The following TULP4 variants were observed in gnomAD, a reference collection of about 807,000 sequenced individuals.
TULP4 encodes the protein TUB like protein 4, also known as tubby-related protein 4.
In TULP4, 16 loss-of-function variants were observed where a neutral mutation model predicts 129.0. The ratio of observed to expected loss-of-function variants is 0.12; its 90% confidence interval spans 0.08 to 0.19. TULP4 has a LOEUF of 0.19. Among genes scored for constraint, TULP4 ranks in the 10% least tolerant of loss-of-function variants. TULP4 has a pLI of 1.00. For missense variants in TULP4, 1,842 were observed against 2,059.1 expected, an observed-to-expected ratio of 0.89 and a Z score of 2.04; for synonymous variants, 998 against 854.0, an observed-to-expected ratio of 1.17 and a Z score of -2.94.
At position 158,312,856 on chromosome 6, in the gene TULP4, A is replaced by G. The variant is rs2128482665; in HGVS notation, c.-1161A>G. ...GGAAAGCACCCATCAGCAAAACACT[A>G]TCACTCTCTAGGGAGACAGCTGGGG... On this transcript the variant is annotated 5_prime_UTR_variant, in exon 1 of 14. Coordinates refer to ENST00000367097, the MANE Select transcript of TULP4 (RefSeq NM_020245.5). 1 of 152,330 alleles carries G rather than the reference A, an allele frequency of 6.6e-6. No individual in the cohort carries two copies. Among genetic ancestry groups the G allele is most frequent in the East Asian group, 1.9e-4 (1 of 5,190 alleles). The allele number at this position is 152,330 out of a possible 1,614,324, so 9.4% of individuals were successfully genotyped here. A position where few individuals can be genotyped will look rare whatever the true frequency, so the allele number is the denominator to read the frequency against.
At chr6:158,419,601 C>T (rs1411872179) in intron 2 of TULP4, among the ~76,000 whole-genome samples, 1 of 152,048 alleles carries the variant, frequency 6.6e-6, no homozygotes, top group Non-Finnish European at 1.5e-5. Flanking sequence ...ACACCTCAAA[C>T]TTAAGGACAT....
chr6:158,437,503 G>A (rs973167462), intron 3 of TULP4, among the ~76,000 whole-genome samples: 2 of 152,116 alleles, frequency 1.3e-5, no homozygotes, highest in African/African-American at 2.4e-5. Flanking sequence ...CGAGGCTGCA[G>A]TGAGCTGTGA....
At chr6:158,422,224 G>A (rs1778361019) in intron 2 of TULP4, among the ~76,000 whole-genome samples, 1 of 152,118 alleles carries the variant, frequency 6.6e-6, no homozygotes, top group Non-Finnish European at 1.5e-5. Context: ...ATAGACAGAT[G>A]TCTTGCAAAA....
intron 2 of TULP4, among the ~76,000 whole-genome samples, chr6:158,422,527 C>T (rs1006963348): frequency 6.6e-6 from 1 of 152,076 alleles, no homozygotes; most frequent in Non-Finnish European, 1.5e-5. Flanking sequence ...AATTCTCAGG[C>T]CAGTTTAGAC....
At chr6:158,284,445 C>T (rs920462866) in intron 1 of TULP4, among the ~76,000 whole-genome samples, 1 of 152,194 alleles carries the variant, frequency 6.6e-6, no homozygotes, top group South Asian at 2.1e-4. Context: ...ACCCTCTACC[C>T]GCTGCTGAAG....
chr6:158,285,003 TCTC>T (rs1188903055), intron 1 of TULP4, among the ~76,000 whole-genome samples: 6 of 152,186 alleles, frequency 3.9e-5, no homozygotes, highest in African/African-American at 1.4e-4. Flanking sequence ...AGGACCCAGT[TCTC>T]CTGCTTTTCG....
chr6:158,463,359 T>C (rs1303831750), intron 6 of TULP4, among the ~76,000 whole-genome samples: 1 of 152,012 alleles, frequency 6.6e-6, no homozygotes, highest in East Asian at 1.9e-4. Flanking sequence ...CACCTTATGT[T>C]TGAGTCAGTT....
At chr6:158,353,516 G>A (rs570719515) in intron 1 of TULP4, among the ~76,000 whole-genome samples, 1 of 151,906 alleles carries the variant, frequency 6.6e-6, no homozygotes, top group Non-Finnish European at 1.5e-5. Context: ...TATTTATTAC[G>A]GTACTCTTTG....
chr6:158,304,181 G>A (rs977675381), intron 1 of TULP4, among the ~76,000 whole-genome samples: 1 of 152,100 alleles, frequency 6.6e-6, no homozygotes, highest in Admixed American at 6.5e-5. Flanking sequence ...ACACCATCCT[G>A]TCCCTAGGTT....
intron 1 of TULP4, among the ~76,000 whole-genome samples, chr6:158,283,420 C>A (rs1778790915): frequency 6.6e-6 from 1 of 152,154 alleles, no homozygotes; most frequent in Non-Finnish European, 1.5e-5. Context: ...TAACAAAATT[C>A]TTGTGTAAAA....
At chr6:158,351,761 C>T (rs527850024) in intron 1 of TULP4, among the ~76,000 whole-genome samples, 146 of 129,586 alleles carry the variant, frequency 1.1e-3, no homozygotes, top group African/African-American at 4.1e-3. Flanking sequence ...CTCTGTTGCC[C>T]AGGTTGGAGT....
In TULP4 at chr6:158,314,973, G is replaced by A. The variant is rs75532386; in HGVS notation, c.252+705G>A. Among the ~76,000 whole-genome samples the A allele has an allele frequency of 2.6e-5, 4 of 152,338 alleles. No individual in the cohort carries two copies. In the East Asian group the frequency reaches 7.7e-4, roughly 29 times the overall value. On this transcript the variant is annotated intron_variant, in intron 1 of 13. Coordinates refer to ENST00000367097, the MANE Select transcript of TULP4 (RefSeq NM_020245.5). ...GTTAGGCATTGTGTTTTAAAGAAGAGCGTGATTGGTAATTTCTTGCAAAGT... is the reference window on the plus strand; with the variant it reads ...GTTAGGCATTGTGTTTTAAAGAAGAACGTGATTGGTAATTTCTTGCAAAGT...
intron 1 of TULP4, among the ~76,000 whole-genome samples, chr6:158,399,000 A>G (rs1777784057): frequency 6.6e-6 from 1 of 152,202 alleles, no homozygotes; most frequent in African/African-American, 2.4e-5. Context: ...GTGTGGATAC[A>G]GGTGTATGCA....
chr6:158,327,796 A>G (rs1293862139), intron 1 of TULP4, among the ~76,000 whole-genome samples: 2 of 151,736 alleles, frequency 1.3e-5, no homozygotes, highest in Non-Finnish European at 2.9e-5. Context: ...TTTATAATTG[A>G]GGTCTTCTTT....
At chr6:158,288,878 T>C (rs1053660311) in intron 1 of TULP4, among the ~76,000 whole-genome samples, 1 of 152,242 alleles carries the variant, frequency 6.6e-6, no homozygotes, top group African/African-American at 2.4e-5. Flanking sequence ...TTTAGTATGA[T>C]GAATTATATC....
At chr6:158,455,263 A>AC (rs1293347263) in intron 5 of TULP4, among the ~76,000 whole-genome samples, 3 of 61,800 alleles carry the variant, frequency 4.9e-5, no homozygotes, top group Admixed American at 4.0e-4. Flanking sequence ...TTTAGTAGAG[A>AC]CGGGGTTTCA....
At chr6:158,310,536 GTC>G (rs1427266364), upstream of TULP4, 1 of 152,142 alleles carries the variant, frequency 6.6e-6, no homozygotes, top group Non-Finnish European at 1.5e-5. Context: ...GGCCAGGCTG[GTC>G]TCGAACTCCT....
chr6:158,238,947 C>G (rs1162842207), intron 1 of TULP4, among the ~76,000 whole-genome samples: 1 of 139,436 alleles, frequency 7.2e-6, no homozygotes, highest in Admixed American at 7.1e-5. Flanking sequence ...GTTGGGCACA[C>G]CTCCCAGACG....
At chr6:158,332,708 C>T (rs1053980661) in intron 1 of TULP4, among the ~76,000 whole-genome samples, 17 of 152,132 alleles carry the variant, frequency 1.1e-4, no homozygotes, top group Admixed American at 2.0e-4. Context: ...ATTGGATAGG[C>T]GGACTTTCCT....
Sources: gnomAD v4.1 joint callset for allele counts (sites outside exome capture counted in the v4.1 genomes callset) on GRCh38, gnomAD v4.1.1 for gene constraint, MANE v1.5 for transcripts, NCBI Gene and HGNC (gene_info 2026-07-23, HGNC 2026-07-21) for gene names.